The following KALRN variants were observed in gnomAD, a reference collection of about 807,000 sequenced individuals.
KALRN encodes the protein kalirin RhoGEF kinase.
A neutral mutation model predicts 353.7 loss-of-function variants in KALRN; 70 were observed. That is an observed-to-expected ratio of 0.20 (90% CI 0.16 to 0.24). The LOEUF is 0.24. Ranked by LOEUF, KALRN falls within the 10% of genes least tolerant of loss-of-function variation. KALRN has a pLI of 1.00. For missense variants in KALRN, 2,791 were observed against 3,756.7 expected (o/e 0.74, Z 6.72); for synonymous variants, 1,391 against 1,434.8 (o/e 0.97, Z 0.69).
intron 21 of KALRN, among the ~76,000 whole-genome samples, chr3:124,449,901 C>T (rs965507399): frequency 6.6e-6 from 1 of 152,240 alleles, no homozygotes; most frequent in Non-Finnish European, 1.5e-5. Context: ...TGCTAAATAG[C>T]ATGCCATTTC....
intron 45 of KALRN, among the ~76,000 whole-genome samples, chr3:124,665,976 CAGGTGAGTTCA>C (rs946714008): frequency 2.6e-5 from 4 of 152,146 alleles, no homozygotes; most frequent in African/African-American, 9.7e-5. Flanking sequence ...CCCTTGTCTA[CAGGTGAGTTCA>C]AGGTTGGTGG....
At chr3:124,126,770 T>C (rs1400144847) in intron 1 of KALRN, among the ~76,000 whole-genome samples, 1 of 152,224 alleles carries the variant, frequency 6.6e-6, no homozygotes, top group East Asian at 1.9e-4. Context: ...CAGTTTCATC[T>C]ACTCCATATG....
At chr3:124,088,871 T>G (rs1289805483) in intron 1 of KALRN, among the ~76,000 whole-genome samples, 1 of 152,136 alleles carries the variant, frequency 6.6e-6, no homozygotes, top group East Asian at 1.9e-4. Context: ...TTTTTCTTTT[T>G]GAAAATAAGA....
chr3:124,113,010 A>G (rs1372057687), intron 1 of KALRN, among the ~76,000 whole-genome samples: 1 of 152,202 alleles, frequency 6.6e-6, no homozygotes, highest in Non-Finnish European at 1.5e-5. Flanking sequence ...ACTCCTTTAA[A>G]AAAACCAAAG....
intron 33 of KALRN, among the ~76,000 whole-genome samples, chr3:124,510,671 C>T (rs770727375): frequency 3.9e-5 from 6 of 152,020 alleles, no homozygotes; most frequent in Non-Finnish European, 5.9e-5. Context: ...TTGTAGCTGC[C>T]GTCAGTGTAT....
rs1251329110 is a variant in KALRN at position 124,476,059 on chromosome 3, G to A, written c.4102-1186G>A. ...AGAATGATTTATCATCATCTCCTAG[G>A]TAGTACATAGTTCCAAAAACTGGTT... On this transcript the variant is annotated intron_variant, in intron 26 of 59. Transcript: ENST00000682506. Among the ~76,000 whole-genome samples, 6 of 151,798 alleles carry A rather than the reference G, an allele frequency of 4.0e-5. No individual in the cohort carries two copies. In the East Asian group the frequency reaches 9.7e-4, roughly 25 times the overall value.
At chr3:124,301,691 A>G (rs891608633) in intron 6 of KALRN, among the ~76,000 whole-genome samples, 1 of 152,194 alleles carries the variant, frequency 6.6e-6, no homozygotes, top group Non-Finnish European at 1.5e-5. Flanking sequence ...GGCCTGGGTG[A>G]TGGATGTTGC....
Position 124,719,999 on chromosome 3 carries a change from T to C in KALRN, c.*529T>C, listed in dbSNP as rs2063321197. The stretch of plus-strand genomic sequence containing the variant: ...GTTTTCTAATATAGAGATATATATA[T>C]TAAATCAATCACAAGTAATTTTGAG... On this transcript the variant is annotated 3_prime_UTR_variant, in exon 60 of 60. Transcript: ENST00000682506. The surrounding 1 kb of genome is among the most constrained non-coding windows in gnomAD (Gnocchi z 5.3). 1 of 152,640 alleles carries C rather than the reference T, an allele frequency of 6.6e-6. No individual in the cohort carries two copies. The highest frequency in any genetic ancestry group is 6.5e-5 in the Admixed American group (1 of 15,310). 9.5% of individuals were successfully genotyped at this position (152,640 alleles called of 1,614,324 possible).
chr3:124,159,031 A>G (rs533554286), intron 1 of KALRN, among the ~76,000 whole-genome samples: 1 of 152,256 alleles, frequency 6.6e-6, no homozygotes, highest in African/African-American at 2.4e-5. Context: ...TTACAACCTT[A>G]TCACTGATAA....
At chr3:124,378,289 A>G (rs1042923936) in intron 10 of KALRN, among the ~76,000 whole-genome samples, 15 of 152,084 alleles carry the variant, frequency 9.9e-5, no homozygotes, top group Non-Finnish European at 7.4e-5. Flanking sequence ...ACCACTTTAC[A>G]TAAAGTATAG....
intron 51 of KALRN, among the ~76,000 whole-genome samples, chr3:124,685,097 A>G (rs1019874485): frequency 3.9e-5 from 6 of 152,168 alleles, no homozygotes; most frequent in Admixed American, 3.9e-4. Flanking sequence ...CTGGTTCCGC[A>G]TTTTATAAAA....
chr3:124,276,130 C>G (rs1027976449), intron 5 of KALRN, among the ~76,000 whole-genome samples: 1 of 152,140 alleles, frequency 6.6e-6, no homozygotes, highest in Non-Finnish European at 1.5e-5. Flanking sequence ...GAAATACTTC[C>G]TATGGCAATG....
chr3:124,093,371 A>C (rs2061239249), intron 1 of KALRN, among the ~76,000 whole-genome samples: 1 of 152,192 alleles, frequency 6.6e-6, no homozygotes, highest in Non-Finnish European at 1.5e-5. Flanking sequence ...AGCTGTGATG[A>C]ATGTGCAGAT....
chr3:124,248,256 C>A (rs563213063), intron 3 of KALRN, among the ~76,000 whole-genome samples: 2 of 139,202 alleles, frequency 1.4e-5, no homozygotes, highest in Non-Finnish European at 1.5e-5. Flanking sequence ...AGGGCTTCAC[C>A]CCCCCCATAC....
At chr3:124,248,384 C>A (rs548222597) in intron 3 of KALRN, among the ~76,000 whole-genome samples, 5 of 152,186 alleles carry the variant, frequency 3.3e-5, no homozygotes, top group Non-Finnish European at 7.3e-5. Context: ...GGGGGTTACC[C>A]AGGCCAGAGG....
intron 25 of KALRN, 115 bp from the exon 26 acceptor site, chr3:124,474,548 G>T: frequency 3.8e-6 from 3 of 786,302 alleles, no homozygotes; most frequent in Non-Finnish European, 4.5e-6. Flanking sequence ...CACTTAGACA[G>T]TAGAGAAGCC....
intron 1 of KALRN, among the ~76,000 whole-genome samples, chr3:124,109,251 CGTT>C (rs2062609081): frequency 6.6e-6 from 1 of 151,814 alleles, no homozygotes; most frequent in Admixed American, 6.6e-5. Context: ...TGCAATTTCT[CGTT>C]GTATAGTCTA....
intron 34 of KALRN, among the ~76,000 whole-genome samples, chr3:124,611,793 G>A (rs1415051125): frequency 2.0e-5 from 3 of 152,110 alleles, no homozygotes; most frequent in East Asian, 1.9e-4. Flanking sequence ...CACCAGCTGC[G>A]CTCCAGCCAC....
intron 5 of KALRN, among the ~76,000 whole-genome samples, chr3:124,289,634 T>A (rs1363699707): frequency 6.6e-6 from 1 of 152,184 alleles, no homozygotes; most frequent in South Asian, 2.1e-4. Flanking sequence ...GAAGTTATTG[T>A]TAGAGAGCAT....
Sources: gnomAD v4.1 joint callset for allele counts (sites outside exome capture counted in the v4.1 genomes callset) on GRCh38, gnomAD v4.1.1 for gene constraint, Gnocchi (gnomAD v3.1) non-coding constraint, MANE v1.5 for transcripts, NCBI Gene and HGNC (gene_info 2026-07-23, HGNC 2026-07-21) for gene names.